MAP4: variants seen among roughly 807,000 people sequenced by gnomAD.
MAP4 encodes microtubule associated protein 4.
MAP4 carries 76 observed loss-of-function variants against 170.2 expected under a neutral mutation model. That is an observed-to-expected ratio of 0.45 (90% CI 0.37 to 0.54). MAP4 has a LOEUF of 0.54. MAP4 is among the 20% of genes least tolerant of loss of function. The probability of loss-of-function intolerance (pLI) is 0.00; values close to 1 mark genes in which losing one functional copy is unlikely to be tolerated. For missense variants in MAP4, 2,506 were observed against 2,748.0 expected (o/e 0.91, Z 1.97); for synonymous variants, 909 against 994.5 (o/e 0.91, Z 1.62).
At chr3:48,038,960 G>A (rs1330371894) in intron 1 of MAP4, among the ~76,000 whole-genome samples, 1 of 152,010 alleles carries the variant, frequency 6.6e-6, no homozygotes, top group African/African-American at 2.4e-5. Context: ...AAATTAGCCA[G>A]GCATGGTGAT....
Position 47,851,478 on chromosome 3 carries a change from T to G in MAP4, c.*1456A>C, listed in dbSNP as rs939601146. 2 of 151,638 alleles carry G rather than the reference T, an allele frequency of 1.3e-5. No individual in the cohort carries two copies. The highest frequency in any genetic ancestry group is 4.9e-5 in the African/African-American group (2 of 41,228). The allele number at this position is 151,638 out of a possible 1,614,324, so 9.4% of individuals were successfully genotyped here. ...TGAGGAGGCCAAGTCTGGGGCAGCC[T>G]CCTCAGAGGCAAATCTACACTGCAG... On this transcript the variant is annotated 3_prime_UTR_variant, in exon 21 of 21. Coordinates refer to ENST00000683076, the MANE Select transcript of MAP4 (RefSeq NM_001385682.1).
chr3:47,971,493 T>G (rs1440364919), intron 3 of MAP4, among the ~76,000 whole-genome samples: 3 of 152,246 alleles, frequency 2.0e-5, no homozygotes, highest in Non-Finnish European at 4.4e-5. Flanking sequence ...ACTGTTTCAC[T>G]GCTGGCATGA....
Position 47,918,673 on chromosome 3 carries a change from C to T in MAP4, c.652+46G>A, listed in dbSNP as rs1470366499. The T allele has an allele frequency of 2.0e-6, 3 of 1,492,816 alleles. No homozygotes were observed. The Admixed American group carries it at 5.2e-5, about 26-fold the overall frequency. 92.5% of individuals were successfully genotyped at this position (1,492,816 alleles called of 1,614,324 possible). ...ACACCTGATGATTTATATTGATTAC[C>T]AATACTGCAACCATTAACTGATAAA... is the stretch of plus-strand genomic sequence containing the variant. On this transcript the variant is annotated intron_variant, in intron 6 of 20. Transcript: ENST00000683076.
At chr3:48,019,315 C>A (rs930532881), upstream of MAP4, among the ~76,000 whole-genome samples, 5 of 152,022 alleles carry the variant, frequency 3.3e-5, no homozygotes, top group Admixed American at 2.0e-4. Context: ...GTACTCCAGT[C>A]TGGGCGAGAA....
chr3:48,058,721 C>A (rs2154556331), intron 1 of MAP4, among the ~76,000 whole-genome samples: 1 of 152,254 alleles, frequency 6.6e-6, no homozygotes, highest in African/African-American at 2.4e-5. Context: ...ACCAATAAAA[C>A]AATTGTCTTT....
At chr3:48,059,104 C>A (rs754158288) in intron 1 of MAP4, among the ~76,000 whole-genome samples, 1 of 152,058 alleles carries the variant, frequency 6.6e-6, no homozygotes, top group Non-Finnish European at 1.5e-5. Flanking sequence ...AAACAGCCTT[C>A]ATCATTAAGT....
At chr3:47,959,387 G>A (rs1201276424) in intron 3 of MAP4, among the ~76,000 whole-genome samples, 1 of 152,014 alleles carries the variant, frequency 6.6e-6, no homozygotes, top group East Asian at 1.9e-4. Context: ...TTGAATCTGG[G>A]AGGCGGTGGT....
intron 1 of MAP4, among the ~76,000 whole-genome samples, chr3:48,022,897 GAAAAA>G (rs35128918): frequency 6.6e-6 from 1 of 150,590 alleles, no homozygotes. Context: ...TCTCAGGGGG[GAAAAA>G]AAAAAATTTA....
intron 3 of MAP4, among the ~76,000 whole-genome samples, chr3:47,948,225 C>CTTTTTTTTTTTTTTTTTTTTTTTTT (rs35761893): frequency 7.8e-6 from 1 of 128,386 alleles, no homozygotes. Flanking sequence ...TTGACCTATT[C>CTTTTTTTTTTTTTTTTTTTTTTTTT]TTTTTTTTTT....
At chr3:47,878,771 C>T (rs1056873083) in intron 10 of MAP4, among the ~76,000 whole-genome samples, 2 of 152,156 alleles carry the variant, frequency 1.3e-5, no homozygotes, top group African/African-American at 4.8e-5. Flanking sequence ...CTCCTGACTT[C>T]AAGTGATCCA....
chr3:48,084,609 G>C (rs2100148176), intron 1 of MAP4, among the ~76,000 whole-genome samples: 1 of 150,614 alleles, frequency 6.6e-6, no homozygotes, highest in South Asian at 2.1e-4. Flanking sequence ...AGCAGGTCTG[G>C]CTCTTTCAGC....
intron 4 of MAP4, among the ~76,000 whole-genome samples, chr3:47,926,277 G>A (rs536639880): frequency 2.0e-5 from 3 of 151,720 alleles, no homozygotes; most frequent in Non-Finnish European, 2.9e-5. Flanking sequence ...TCTGCCTCCC[G>A]GGCTCAAACG....
At chr3:47,896,800 C>T (rs2100027124) in intron 10 of MAP4, among the ~76,000 whole-genome samples, 1 of 152,164 alleles carries the variant, frequency 6.6e-6, no homozygotes, top group Admixed American at 6.5e-5. Context: ...AGCTAAATTT[C>T]AAAATCTGGG....
chr3:47,992,748 A>G (rs932751501), intron 2 of MAP4, among the ~76,000 whole-genome samples: 8 of 152,086 alleles, frequency 5.3e-5, no homozygotes, highest in Admixed American at 4.6e-4. Flanking sequence ...TACTAAAAAT[A>G]CAAAAATTAG....
chr3:48,010,655 A>G (rs2154430130), intron 1 of MAP4, among the ~76,000 whole-genome samples: 1 of 152,264 alleles, frequency 6.6e-6, no homozygotes, highest in African/African-American at 2.4e-5. Flanking sequence ...GGACTGAAGG[A>G]TGCAATATTG....
At chr3:47,936,765 G>C (rs1300525639) in intron 3 of MAP4, among the ~76,000 whole-genome samples, 1 of 151,982 alleles carries the variant, frequency 6.6e-6, no homozygotes, top group Non-Finnish European at 1.5e-5. Context: ...CAGATCACCT[G>C]AGGTCAAGAG....
chr3:48,068,097 T>C (rs1011141866), intron 1 of MAP4, among the ~76,000 whole-genome samples: 3 of 151,736 alleles, frequency 2.0e-5, no homozygotes, highest in Admixed American at 6.6e-5. Context: ...AAACCCCATC[T>C]ATACAAAAAA....
chr3:47,974,123 G>C (rs2100080513), intron 3 of MAP4: 2 of 984,874 alleles, frequency 2.0e-6, no homozygotes, highest in South Asian at 9.4e-5. Flanking sequence ...TGTATCAGGG[G>C]ATCTAAAACA....
At chr3:48,077,348 G>A (rs1184010485) in intron 1 of MAP4, among the ~76,000 whole-genome samples, 2 of 151,730 alleles carry the variant, frequency 1.3e-5, no homozygotes, top group Non-Finnish European at 1.5e-5. Context: ...GGCTGAGGCA[G>A]GAGAATCGAA....
Sources: allele counts gnomAD v4.1 joint callset (sites outside exome capture counted in the v4.1 genomes callset), GRCh38; gene constraint gnomAD v4.1.1; transcripts MANE v1.5; gene names NCBI Gene and HGNC (gene_info 2026-07-23, HGNC 2026-07-21).